Variants in HS6ST2 observed in about 807,000 individuals in gnomAD.
HS6ST2 encodes the protein heparan-sulfate 6-O-sulfotransferase 2.
HS6ST2 carries 17 observed loss-of-function variants against 33.0 expected under a neutral mutation model. The ratio of observed to expected loss-of-function variants is 0.52; its 90% CI spans 0.35 to 0.77. HS6ST2 has a LOEUF of 0.77. Among genes scored for constraint, HS6ST2 ranks in the 30% least tolerant of loss-of-function variants. HS6ST2 has a pLI of 0.01. For synonymous variants in HS6ST2, 248 were observed against 237.1 expected (o/e 1.05, Z -0.42); for missense variants, 519 against 551.7 (o/e 0.94, Z 0.59).
intron 3 of HS6ST2, among the ~76,000 whole-genome samples, chrX:132,682,500 G>C (rs1281339817): frequency 8.9e-6 from 1 of 112,021 alleles, no homozygotes; most frequent in Admixed American, 9.5e-5. Flanking sequence ...GGGGCATCCA[G>C]CTAGCTGCCT....
At chrX:132,632,708 A>G (rs971173820) in intron 4 of HS6ST2, among the ~76,000 whole-genome samples, 11 of 110,600 alleles carry the variant, frequency 9.9e-5, no homozygotes, top group African/African-American at 3.0e-4. Flanking sequence ...ATTAAAAAAA[A>G]ACACCTCACA....
At chrX:132,809,708 C>T (rs756774744) in intron 2 of HS6ST2, among the ~76,000 whole-genome samples, 39 of 111,966 alleles carry the variant, frequency 3.5e-4, no homozygotes, top group Non-Finnish European at 6.0e-4. Flanking sequence ...CTTTATGATC[C>T]TATCACATGG....
In HS6ST2 at chrX:132,765,082, G is replaced by A. The variant is rs966327151; in HGVS notation, c.948-56588C>T. On this transcript the variant is annotated intron_variant, in intron 2 of 4. Coordinates refer to ENST00000370833, the MANE Select transcript of HS6ST2 (RefSeq NM_001394073.1). ...AGTGCTAAGCACTGGGTAAGACCTG[G>A]GCCACGGTGTATGAGTTGGGGTGCA... Among the ~76,000 whole-genome samples, 6 of 112,217 alleles carry A rather than the reference G, an allele frequency of 5.3e-5. No homozygotes were observed. The Admixed American group carries it at 5.7e-4, about 11-fold the overall frequency.
At chrX:132,941,728 T>G (rs2066889326) in intron 2 of HS6ST2, among the ~76,000 whole-genome samples, 1 of 111,867 alleles carries the variant, frequency 8.9e-6, no homozygotes, top group South Asian at 3.7e-4. Context: ...AGATTTAATG[T>G]ACACCCATAT....
intron 2 of HS6ST2, among the ~76,000 whole-genome samples, chrX:132,857,452 C>A (rs1187688820): frequency 1.9e-5 from 2 of 107,034 alleles, no homozygotes; most frequent in East Asian, 5.9e-4. Flanking sequence ...CCACTGCACT[C>A]CAGCCTGGGC....
chrX:132,956,085 C>T (rs2148508018), intron 2 of HS6ST2, among the ~76,000 whole-genome samples: 1 of 112,225 alleles, frequency 8.9e-6, no homozygotes, highest in South Asian at 3.8e-4. Context: ...ATAAGCAAGC[C>T]TGGGAACCAT....
intron 2 of HS6ST2, among the ~76,000 whole-genome samples, chrX:132,724,534 G>A (rs1198792974): frequency 9.0e-6 from 1 of 111,604 alleles, no homozygotes; most frequent in Admixed American, 9.5e-5. Context: ...GATATTCCAT[G>A]TCCCTGGATT....
chrX:132,746,669 A>G (rs1435129302), intron 2 of HS6ST2, among the ~76,000 whole-genome samples: 1 of 111,958 alleles, frequency 8.9e-6, no homozygotes, highest in Non-Finnish European at 1.9e-5. Context: ...GGTGAAGGAC[A>G]ACAGAATTCA....
At chrX:132,948,397 C>T (rs957154816) in intron 2 of HS6ST2, among the ~76,000 whole-genome samples, 1 of 112,075 alleles carries the variant, frequency 8.9e-6, no homozygotes, top group Non-Finnish European at 1.9e-5. Context: ...ATAACAAGTT[C>T]GAAACTATTG....
At chrX:132,791,755 G>T (rs1456746657) in intron 2 of HS6ST2, among the ~76,000 whole-genome samples, 1 of 109,004 alleles carries the variant, frequency 9.2e-6, no homozygotes, top group Non-Finnish European at 1.9e-5. Context: ...TTAAACCAGG[G>T]TTTTAAGAAA....
chrX:132,726,919 C>T (rs1475838560), intron 2 of HS6ST2, among the ~76,000 whole-genome samples: 1 of 110,566 alleles, frequency 9.0e-6, no homozygotes, highest in East Asian at 2.8e-4. Flanking sequence ...TGCATCTAAT[C>T]AGTCTCATCC....
chrX:132,712,525 C>T (rs1406681215), intron 2 of HS6ST2, among the ~76,000 whole-genome samples: 4 of 112,109 alleles, frequency 3.6e-5, no homozygotes, highest in Admixed American at 9.4e-5. Flanking sequence ...CTATGCAAAA[C>T]AAGCTGCTGG....
At chrX:132,815,597 T>A (rs1341267297) in intron 2 of HS6ST2, among the ~76,000 whole-genome samples, 2 of 112,262 alleles carry the variant, frequency 1.8e-5, no homozygotes, top group Admixed American at 1.9e-4. Context: ...TTTGGCTCTG[T>A]TAGCTTTTTG....
intron 2 of HS6ST2, among the ~76,000 whole-genome samples, chrX:132,843,086 A>G (rs1193319925): frequency 9.0e-6 from 1 of 111,514 alleles, no homozygotes; most frequent in Non-Finnish European, 1.9e-5. Context: ...TACTTGGCTC[A>G]CACTATCTTC....
In HS6ST2 at chrX:132,756,022, A is replaced by G. The variant is rs6634909; in HGVS notation, c.948-47528T>C. Among the ~76,000 whole-genome samples, 4 of 111,719 alleles carry G rather than the reference A, an allele frequency of 3.6e-5. No individual in the cohort carries two copies. In the East Asian group the frequency reaches 1.1e-3, roughly 32 times the overall value. On this transcript the variant is annotated intron_variant, in intron 2 of 4. Transcript: ENST00000370833. ...ATGGAATCTCCCAATGGAGCCACGT[A>G]TTAAAGCCATAGAATTCCAGGCCTC...
At chrX:132,904,824 G>A (rs980122410) in intron 2 of HS6ST2, among the ~76,000 whole-genome samples, 3 of 109,514 alleles carry the variant, frequency 2.7e-5, no homozygotes, top group Admixed American at 9.9e-5. Flanking sequence ...AACCACAGCC[G>A]GCCCCAAACT....
chrX:132,787,265 TTATAA>T (rs1437627312), intron 2 of HS6ST2, among the ~76,000 whole-genome samples: 1 of 89,137 alleles, frequency 1.1e-5, no homozygotes, highest in Non-Finnish European at 2.1e-5. Flanking sequence ...ATGTATATAT[TTATAA>T]TATATTATTA....
intron 2 of HS6ST2, among the ~76,000 whole-genome samples, chrX:132,929,154 A>G (rs984227212): frequency 9.0e-6 from 1 of 111,642 alleles, no homozygotes; most frequent in African/African-American, 3.3e-5. Context: ...TAGACTCAGT[A>G]ACATGATCTT....
chrX:132,820,179 G>A (rs1451020783), intron 2 of HS6ST2, among the ~76,000 whole-genome samples: 1 of 102,490 alleles, frequency 9.8e-6, no homozygotes, highest in African/African-American at 3.7e-5. Flanking sequence ...TTGAAGGCAA[G>A]CAGACTATGC....
Sources: gnomAD v4.1 joint callset for allele counts (sites outside exome capture counted in the v4.1 genomes callset) on GRCh38, gnomAD v4.1.1 for gene constraint, MANE v1.5 for transcripts, NCBI Gene and HGNC (gene_info 2026-07-23, HGNC 2026-07-21) for gene names.